Variants in TFCP2L1 observed in about 807,000 individuals in gnomAD.
TFCP2L1 encodes the protein transcription factor CP2-like protein 1.
TFCP2L1 carries 12 observed loss-of-function variants against 72.2 expected under a neutral mutation model. The observed-to-expected ratio is 0.17, with a 90% CI of 0.11 to 0.27. The LOEUF (loss-of-function observed/expected upper bound fraction) is 0.27, where lower values mean the gene tolerates loss of function less well. Ranked by LOEUF, TFCP2L1 falls within the 10% of genes least tolerant of loss-of-function variation. TFCP2L1 has a pLI of 1.00. For missense variants in TFCP2L1, 488 were observed against 624.6 expected (o/e 0.78, Z 2.33); for synonymous variants, 260 against 251.0 (o/e 1.04, Z -0.34).
At chr2:121,281,009 C>T in intron 2 of TFCP2L1, 111 bp downstream of exon 2, 1 of 1,431,598 alleles carries the variant, frequency 7.0e-7, no homozygotes, top group Non-Finnish European at 9.5e-7. Context: ...CCGAGCCCGA[C>T]CTCGCCCGAC....
rs1391981357 is a variant in TFCP2L1, at chr2:121,221,499, C to T, written c.*2842G>A. 3 of 152,030 alleles carry T rather than the reference C, an allele frequency of 2.0e-5. No homozygotes were observed. The highest frequency in any genetic ancestry group is 1.9e-4 in the East Asian group (1 of 5,190). The allele number at this position is 152,030 out of a possible 1,614,324, so 9.4% of individuals were successfully genotyped here. A position where few individuals can be genotyped will look rare whatever the true frequency, so the allele number is the denominator to read the frequency against. On this transcript the variant is annotated 3_prime_UTR_variant, in exon 15 of 15. Coordinates refer to ENST00000263707, the MANE Select transcript of TFCP2L1 (RefSeq NM_014553.3). Reference sequence around the variant, plus strand: ...TTTAGCAAGGATGCCAAGACAATTCCGTGGAGAAAGGATATTTTTCTCAAT... The same window carrying T: ...TTTAGCAAGGATGCCAAGACAATTCTGTGGAGAAAGGATATTTTTCTCAAT...
At chr2:121,282,955 G>A (rs550265488) in intron 1 of TFCP2L1, among the ~76,000 whole-genome samples, 1 of 152,280 alleles carries the variant, frequency 6.6e-6, no homozygotes, top group South Asian at 2.1e-4. Flanking sequence ...AAATAAGGGT[G>A]CAAGGCCGTC....
chr2:121,271,260 G>T (rs999588777), intron 2 of TFCP2L1, among the ~76,000 whole-genome samples: 1 of 151,606 alleles, frequency 6.6e-6, no homozygotes, highest in African/African-American at 2.4e-5. Flanking sequence ...GATCCCATTT[G>T]TCTTAAAAAG....
At chr2:121,238,484 A>G (rs1220279182) in intron 8 of TFCP2L1, among the ~76,000 whole-genome samples, 2 of 152,178 alleles carry the variant, frequency 1.3e-5, no homozygotes, top group Non-Finnish European at 2.9e-5. Flanking sequence ...ACGCTGCACA[A>G]CAGTGTGAAT....
chr2:121,239,863 C>T (rs564506304), intron 7 of TFCP2L1, among the ~76,000 whole-genome samples: 1 of 152,320 alleles, frequency 6.6e-6, no homozygotes, highest in East Asian at 1.9e-4. Flanking sequence ...TAAGTCACCC[C>T]TGGAGCAAGT....
At chr2:121,230,590 G>A (rs1345597178) in intron 13 of TFCP2L1, among the ~76,000 whole-genome samples, 1 of 152,156 alleles carries the variant, frequency 6.6e-6, no homozygotes, top group Non-Finnish European at 1.5e-5. Context: ...AGACCAGCCT[G>A]GGCAACATGG....
intron 6 of TFCP2L1, among the ~76,000 whole-genome samples, 154 bp downstream of exon 6, chr2:121,246,664 G>A (rs1406862217): frequency 1.3e-5 from 2 of 152,100 alleles, no homozygotes; most frequent in African/African-American, 4.8e-5. Context: ...CTTGAAGCTC[G>A]TGTGCATTAG....
chr2:121,274,595 A>C (rs913929251), intron 2 of TFCP2L1, among the ~76,000 whole-genome samples: 1 of 152,234 alleles, frequency 6.6e-6, no homozygotes, highest in African/African-American at 2.4e-5. Context: ...AAGAAAATTC[A>C]AAATCCAAAA....
Position 121,221,861 on chromosome 2 carries a change from A to T in TFCP2L1, c.*2480T>A, listed in dbSNP as rs1320067036. On this transcript the variant is annotated 3_prime_UTR_variant, in exon 15 of 15. Coordinates refer to ENST00000263707, the MANE Select transcript of TFCP2L1 (RefSeq NM_014553.3). ...ATTTTTACCAGTCATATACCTGATAAAAGACTGGCGTCTAGAATATACAAA... is the reference window on the plus strand; with the variant it reads ...ATTTTTACCAGTCATATACCTGATATAAGACTGGCGTCTAGAATATACAAA... 2.0e-5 allele frequency: 3 copies of T among 152,214 alleles called. No homozygotes were observed. Among genetic ancestry groups the T allele is most frequent in the African/African-American group, 7.2e-5 (3 of 41,450 alleles). The allele number at this position is 152,214 out of a possible 1,614,324, so 9.4% of individuals were successfully genotyped here. A position where few individuals can be genotyped will look rare whatever the true frequency, so the allele number is the denominator to read the frequency against.
At chr2:121,232,701 A>G (rs74579875) in intron 12 of TFCP2L1, among the ~76,000 whole-genome samples, 3,010 of 152,306 alleles carry the variant, frequency 0.02, 117 homozygotes, top group African/African-American at 0.067. Context: ...TTGACAACAG[A>G]AAGGAGAAGG....
At chr2:121,252,399 T>C (rs1373044344) in intron 2 of TFCP2L1, among the ~76,000 whole-genome samples, 1 of 152,156 alleles carries the variant, frequency 6.6e-6, no homozygotes, top group African/African-American at 2.4e-5. Flanking sequence ...GACACTCCTG[T>C]AGTGGGTTGA....
chr2:121,227,908 C>T (rs1686062265), intron 13 of TFCP2L1, among the ~76,000 whole-genome samples: 1 of 152,224 alleles, frequency 6.6e-6, no homozygotes, highest in Non-Finnish European at 1.5e-5. Flanking sequence ...TACATTTACT[C>T]TATTCTGCTG....
chr2:121,255,470 C>G (rs1244603221), intron 2 of TFCP2L1, among the ~76,000 whole-genome samples: 7 of 152,174 alleles, frequency 4.6e-5, no homozygotes, highest in Non-Finnish European at 1.0e-4. Flanking sequence ...ACACTGCAAG[C>G]CCTGTATGTA....
chr2:121,271,350 G>A (rs78758284), intron 2 of TFCP2L1, among the ~76,000 whole-genome samples: 1,701 of 152,236 alleles, frequency 0.011, 24 homozygotes, highest in African/African-American at 0.038. Flanking sequence ...GTTAAAGTAT[G>A]ACTACGAAAA....
chr2:121,255,993 G>A (rs760217315), intron 2 of TFCP2L1, among the ~76,000 whole-genome samples: 5 of 151,998 alleles, frequency 3.3e-5, no homozygotes, highest in Admixed American at 6.6e-5. Flanking sequence ...CACCCACCTC[G>A]GCCACCCAAA....
chr2:121,257,710 A>T lies in TFCP2L1; in HGVS notation c.215-8063T>A, dbSNP rs574757559. Reference sequence around the variant, plus strand: ...ACCGCCCACACTATTCAACTCTGCCACTGCAGCCAGGAAGCGGTCACACAC... The same window carrying T: ...ACCGCCCACACTATTCAACTCTGCCTCTGCAGCCAGGAAGCGGTCACACAC... On this transcript the variant is annotated intron_variant, in intron 2 of 14. Coordinates refer to ENST00000263707, the MANE Select transcript of TFCP2L1 (RefSeq NM_014553.3). Among the ~76,000 whole-genome samples the T allele has an allele frequency of 2.0e-5, 3 of 152,318 alleles. No individual in the cohort carries two copies. The South Asian group carries it at 6.2e-4, about 32-fold the overall frequency.
chr2:121,238,426 T>G (rs927956759), intron 8 of TFCP2L1, among the ~76,000 whole-genome samples: 3 of 152,132 alleles, frequency 2.0e-5, no homozygotes, highest in Admixed American at 2.0e-4. Context: ...GGGGGCCAGG[T>G]TGGGGATGAG....
intron 2 of TFCP2L1, among the ~76,000 whole-genome samples, chr2:121,269,029 T>A (rs1474543387): frequency 6.6e-6 from 1 of 151,842 alleles, no homozygotes; most frequent in Non-Finnish European, 1.5e-5. Context: ...GGCTTTTTTT[T>A]TTATTAAAAA....
intron 10 of TFCP2L1, among the ~76,000 whole-genome samples, chr2:121,236,167 G>C (rs187263057): frequency 4.7e-4 from 71 of 152,240 alleles, no homozygotes; most frequent in Admixed American, 4.4e-3. Context: ...ATGGGCGCTG[G>C]GGGGGCTTCA....
Sources: gnomAD v4.1 joint callset for allele counts (sites outside exome capture counted in the v4.1 genomes callset) on GRCh38, gnomAD v4.1.1 for gene constraint, MANE v1.5 for transcripts, NCBI Gene and HGNC (gene_info 2026-07-23, HGNC 2026-07-21) for gene names.